The following KCNK9 variants were observed in gnomAD, a reference collection of about 807,000 sequenced individuals.
The protein encoded by KCNK9 is potassium channel subfamily K member 9.
KCNK9 carries 1 observed loss-of-function variant against 10.8 expected under a neutral mutation model. The observed-to-expected ratio is 0.09, with a 90% CI of 0.03 to 0.44. The LOEUF (loss-of-function observed/expected upper bound fraction) is 0.44. Ranked by LOEUF, KCNK9 falls within the 20% of genes least tolerant of loss-of-function variation. KCNK9 has a pLI of 0.97. For missense variants in KCNK9, 303 were observed against 515.0 expected, an observed-to-expected ratio of 0.59 and a Z score of 3.98; for synonymous variants, 231 against 222.7, an observed-to-expected ratio of 1.04 and a Z score of -0.33.
intron 1 of KCNK9, among the ~76,000 whole-genome samples, chr8:139,674,068 C>G (rs1207404058): frequency 6.6e-6 from 1 of 152,212 alleles, no homozygotes; most frequent in Non-Finnish European, 1.5e-5. Context: ...TTCCAACAGC[C>G]AACCCACGTG....
At chr8:139,682,263 A>G (rs745981271) in intron 1 of KCNK9, among the ~76,000 whole-genome samples, 4 of 152,152 alleles carry the variant, frequency 2.6e-5, no homozygotes, top group Admixed American at 2.6e-4. Flanking sequence ...GCCTATGTTC[A>G]TTCAACAAAC....
chr8:139,647,602 A>T (rs533711042), intron 1 of KCNK9, among the ~76,000 whole-genome samples: 3 of 152,202 alleles, frequency 2.0e-5, no homozygotes, highest in Non-Finnish European at 4.4e-5. Flanking sequence ...CATGCTGGCC[A>T]GATGGAGGAG....
At chr8:139,672,125 C>G (rs935602715) in intron 1 of KCNK9, among the ~76,000 whole-genome samples, 2 of 152,266 alleles carry the variant, frequency 1.3e-5, no homozygotes, top group South Asian at 4.1e-4. Context: ...CACCAAGGCT[C>G]GAGACCAGGT....
intron 1 of KCNK9, among the ~76,000 whole-genome samples, chr8:139,682,637 G>A (rs1019327346): frequency 1.3e-5 from 2 of 152,198 alleles, no homozygotes; most frequent in Admixed American, 6.5e-5. Flanking sequence ...AAGGGCCATG[G>A]TAAGCAATGT....
At chr8:139,676,611 C>T (rs1262624413) in intron 1 of KCNK9, among the ~76,000 whole-genome samples, 1 of 152,216 alleles carries the variant, frequency 6.6e-6, no homozygotes, top group African/African-American at 2.4e-5. Flanking sequence ...CTAAGCTCTT[C>T]TCAAATATTT....
At chr8:139,644,053 A>G (rs1405668429) in intron 1 of KCNK9, among the ~76,000 whole-genome samples, 1 of 152,206 alleles carries the variant, frequency 6.6e-6, no homozygotes, top group African/African-American at 2.4e-5. Context: ...TGAAATAACT[A>G]TAACTCTGGT....
chr8:139,675,132 C>A (rs1449390451), intron 1 of KCNK9, among the ~76,000 whole-genome samples: 1 of 152,176 alleles, frequency 6.6e-6, no homozygotes, highest in Non-Finnish European at 1.5e-5. Context: ...AAAGGAGCAG[C>A]GGTGGAGGAG....
intron 1 of KCNK9, among the ~76,000 whole-genome samples, chr8:139,666,176 C>A (rs1159873): frequency 0.23 from 35,224 of 152,090 alleles, 4,185 homozygotes; most frequent in South Asian, 0.32. Context: ...ACAGTAAATA[C>A]CTGCTAGGGA....
At chr8:139,649,111 C>A (rs1815777773) in intron 1 of KCNK9, among the ~76,000 whole-genome samples, 1 of 152,226 alleles carries the variant, frequency 6.6e-6, no homozygotes, top group African/African-American at 2.4e-5. Context: ...TCCCCTCCCA[C>A]ACCTTTTATT....
chr8:139,614,421 G>A (rs1218426275), downstream of KCNK9, among the ~76,000 whole-genome samples: 1 of 152,216 alleles, frequency 6.6e-6, no homozygotes, highest in African/African-American at 2.4e-5. Context: ...ATCCTGGGCT[G>A]CAAATGAGCT....
chr8:139,681,948 G>A (rs1384772858), intron 1 of KCNK9, among the ~76,000 whole-genome samples: 2 of 152,206 alleles, frequency 1.3e-5, no homozygotes, highest in South Asian at 2.1e-4. Flanking sequence ...CCTTCCTGTG[G>A]CCCAGCCCAT....
intron 1 of KCNK9, among the ~76,000 whole-genome samples, chr8:139,694,073 T>C (rs1158254044): frequency 6.6e-6 from 1 of 152,090 alleles, no homozygotes; most frequent in African/African-American, 2.4e-5. Flanking sequence ...CTTTTCCATC[T>C]CTGAGGAGCA....
intron 1 of KCNK9, among the ~76,000 whole-genome samples, chr8:139,692,328 C>T (rs1316718681): frequency 4.6e-5 from 7 of 152,248 alleles, no homozygotes; most frequent in African/African-American, 1.7e-4. Context: ...TCAGCAAGCA[C>T]ATTTGGGCAA....
At chr8:139,607,055 G>A (rs1814241797) in intron 2 of KCNK9, among the ~76,000 whole-genome samples, 2 of 152,164 alleles carry the variant, frequency 1.3e-5, no homozygotes, top group South Asian at 4.1e-4. Context: ...GCCTTTTTCA[G>A]TAGTGTGCTC....
chr8:139,620,052 C>T (rs751223474), intron 1 of KCNK9, among the ~76,000 whole-genome samples: 5 of 152,132 alleles, frequency 3.3e-5, no homozygotes, highest in South Asian at 4.1e-4. Context: ...TCCTCACATT[C>T]GAAATGAAGG....
chr8:139,670,416 T>TA (rs533689962), intron 1 of KCNK9, among the ~76,000 whole-genome samples: 96 of 152,046 alleles, frequency 6.3e-4, no homozygotes, highest in African/African-American at 2.1e-3. Context: ...CTCAATTTGT[T>TA]AAAAAAATAA....
rs75835436 is a variant in KCNK9 at position 139,665,103 on chromosome 8, G to A, written c.283+37607C>T. The stretch of plus-strand genomic sequence containing the variant: ...TGCCGTCACAAATTGCCATGAACTC[G>A]GTGGCTTAAAACAACACATTTTCTC... On this transcript the variant is annotated intron_variant, in intron 1 of 1. Coordinates refer to ENST00000520439, the MANE Select transcript of KCNK9 (RefSeq NM_001282534.2). Among the ~76,000 whole-genome samples, 1,144 of 152,214 alleles carry A rather than the reference G, an allele frequency of 7.5e-3. 13 individuals are homozygous for A. Among genetic ancestry groups the A allele is most frequent in the African/African-American group, 0.026 (1,090 of 41,528 alleles).
At chr8:139,611,828 T>A (rs1459244525), downstream of KCNK9, 1 of 152,204 alleles carries the variant, frequency 6.6e-6, no homozygotes, top group Non-Finnish European at 1.5e-5. Flanking sequence ...AGGCGTGCAT[T>A]GAGTTACCCT....
chr8:139,608,923 G>T (rs1036744801), downstream of KCNK9, among the ~76,000 whole-genome samples: 1 of 152,174 alleles, frequency 6.6e-6, no homozygotes, highest in Admixed American at 6.5e-5. Flanking sequence ...GGCAGACTCG[G>T]CACATCTTTT....
Sources: gnomAD v4.1 joint callset for allele counts (sites outside exome capture counted in the v4.1 genomes callset) on GRCh38, gnomAD v4.1.1 for gene constraint, MANE v1.5 for transcripts, NCBI Gene and HGNC (gene_info 2026-07-23, HGNC 2026-07-21) for gene names.